SEMA3E: variants seen among roughly 807,000 people sequenced by gnomAD.
SEMA3E encodes the protein semaphorin-3E.
SEMA3E carries 49 observed loss-of-function variants against 93.6 expected under a neutral mutation model. The observed-to-expected ratio is 0.52, with a 90% CI of 0.42 to 0.66. The LOEUF (loss-of-function observed/expected upper bound fraction) is 0.66. SEMA3E is among the 30% of genes least tolerant of loss of function. SEMA3E has a pLI of 0.00. For synonymous variants in SEMA3E, 363 were observed against 330.7 expected (o/e 1.10, Z -1.06); for missense variants, 906 against 964.8 (o/e 0.94, Z 0.81).
intron 4 of SEMA3E, among the ~76,000 whole-genome samples, chr7:83,458,986 T>TATATATAC (rs879777297): frequency 2.1e-5 from 3 of 144,280 alleles, no homozygotes; most frequent in South Asian, 2.2e-4. Flanking sequence ...TATATATATA[T>TATATATAC]ACACACACTG....
chr7:83,414,502 C>T (rs1788503646), intron 5 of SEMA3E, among the ~76,000 whole-genome samples: 1 of 151,790 alleles, frequency 6.6e-6, no homozygotes, highest in Non-Finnish European at 1.5e-5. Flanking sequence ...TGGATAAAAG[C>T]TCAGTCAGGA....
chr7:83,618,678 C>G (rs1392959055), intron 1 of SEMA3E, among the ~76,000 whole-genome samples: 2 of 151,802 alleles, frequency 1.3e-5, no homozygotes, highest in Non-Finnish European at 2.9e-5. Context: ...AATAGCTTTA[C>G]AGGCATTCTA....
At chr7:83,590,943 A>G (rs927828957) in intron 1 of SEMA3E, among the ~76,000 whole-genome samples, 2 of 152,152 alleles carry the variant, frequency 1.3e-5, no homozygotes, top group African/African-American at 4.8e-5. Flanking sequence ...ACAAAACATG[A>G]AGGAAAATGT....
At chr7:83,383,063 T>C (rs912023277) in intron 16 of SEMA3E, among the ~76,000 whole-genome samples, 16 of 151,944 alleles carry the variant, frequency 1.1e-4, no homozygotes, top group Non-Finnish European at 2.2e-4. Flanking sequence ...AAGATGTATA[T>C]ACTCTGTGGT....
chr7:83,399,642 C>T (rs77854558), intron 11 of SEMA3E, among the ~76,000 whole-genome samples: 223 of 152,296 alleles, frequency 1.5e-3, no homozygotes, highest in Non-Finnish European at 2.5e-3. Context: ...TGTTCATTAA[C>T]GTCTATTATT....
chr7:83,423,787 A>C, intron 4 of SEMA3E, among the ~76,000 whole-genome samples: 1 of 151,932 alleles, frequency 6.6e-6, no homozygotes, highest in African/African-American at 2.4e-5. Flanking sequence ...CTGGGATTAC[A>C]GGCATGAGCC....
chr7:83,552,098 C>T (rs920676238), intron 1 of SEMA3E, among the ~76,000 whole-genome samples: 3 of 152,152 alleles, frequency 2.0e-5, no homozygotes, highest in Non-Finnish European at 4.4e-5. Context: ...TACTCCCTCA[C>T]TCTTTCATAA....
chr7:83,497,252 A>C (rs1229739559), intron 1 of SEMA3E, among the ~76,000 whole-genome samples: 1 of 152,182 alleles, frequency 6.6e-6, no homozygotes, highest in Non-Finnish European at 1.5e-5. Context: ...TAAATGCTAT[A>C]GTTCCTTGTG....
intron 1 of SEMA3E, among the ~76,000 whole-genome samples, chr7:83,595,638 T>C (rs80014510): frequency 0.27 from 40,953 of 151,914 alleles, 5,972 homozygotes; most frequent in East Asian, 0.39. Context: ...CCTTTCATGA[T>C]CTTGATACTT....
At chr7:83,380,245 C>G (rs1346125177) in intron 16 of SEMA3E, among the ~76,000 whole-genome samples, 1 of 151,836 alleles carries the variant, frequency 6.6e-6, no homozygotes, top group Non-Finnish European at 1.5e-5. Context: ...AAATTGAAAC[C>G]TGTCTTCTCC....
At chr7:83,600,208 G>A (rs917197154) in intron 1 of SEMA3E, among the ~76,000 whole-genome samples, 3 of 151,892 alleles carry the variant, frequency 2.0e-5, no homozygotes, top group East Asian at 1.9e-4. Flanking sequence ...TGGCTCCTTT[G>A]CTCTCATCTT....
At chr7:83,449,492 T>C (rs1207964772) in intron 4 of SEMA3E, among the ~76,000 whole-genome samples, 1 of 152,034 alleles carries the variant, frequency 6.6e-6, no homozygotes, top group Admixed American at 6.5e-5. Flanking sequence ...ATAAATTTAA[T>C]TTTCACTACT....
chr7:83,412,770 A>G (rs1788466628), intron 5 of SEMA3E, among the ~76,000 whole-genome samples: 1 of 151,824 alleles, frequency 6.6e-6, no homozygotes, highest in South Asian at 2.1e-4. Context: ...ATAAAAAAAA[A>G]AAAAAAAACA....
chr7:83,478,205 G>T (rs147285861), intron 2 of SEMA3E, among the ~76,000 whole-genome samples: 1 of 152,102 alleles, frequency 6.6e-6, no homozygotes, highest in Non-Finnish European at 1.5e-5. Context: ...TTACAGGCGT[G>T]AGCCACCGTG....
chr7:83,423,342 C>G (rs1490148080), intron 4 of SEMA3E, among the ~76,000 whole-genome samples: 1 of 152,052 alleles, frequency 6.6e-6, no homozygotes, highest in Non-Finnish European at 1.5e-5. Flanking sequence ...TCAGATGTAC[C>G]TTGACTAAAC....
At chr7:83,535,539 C>T (rs988851931) in intron 1 of SEMA3E, among the ~76,000 whole-genome samples, 2 of 152,054 alleles carry the variant, frequency 1.3e-5, no homozygotes, top group Admixed American at 6.6e-5. Flanking sequence ...AGTCTATTCA[C>T]ACTTGCCTCA....
At chr7:83,521,528 T>C (rs1360629163) in intron 1 of SEMA3E, among the ~76,000 whole-genome samples, 5 of 152,128 alleles carry the variant, frequency 3.3e-5, no homozygotes, top group Non-Finnish European at 7.4e-5. Context: ...TGGCATATGG[T>C]ACTGTTTTAG....
intron 1 of SEMA3E, among the ~76,000 whole-genome samples, chr7:83,636,573 T>G (rs1793886605): frequency 6.6e-6 from 1 of 152,178 alleles, no homozygotes; most frequent in Non-Finnish European, 1.5e-5. Context: ...CTCAGTATTT[T>G]CAGACTCTAA....
chr7:83,521,356 C>T (rs531179438), intron 1 of SEMA3E, among the ~76,000 whole-genome samples: 1 of 152,166 alleles, frequency 6.6e-6, no homozygotes, highest in East Asian at 1.9e-4. Flanking sequence ...CAATTTATAA[C>T]AATGAATACG....
Sources: gnomAD v4.1 joint callset for allele counts (sites outside exome capture counted in the v4.1 genomes callset) on GRCh38, gnomAD v4.1.1 for gene constraint, MANE v1.5 for transcripts, NCBI Gene and HGNC (gene_info 2026-07-23, HGNC 2026-07-21) for gene names.